Variants in RANBP2 observed in about 807,000 individuals in gnomAD.
RANBP2 encodes the protein E3 SUMO-protein ligase RanBP2.
A neutral mutation model predicts 303.6 loss-of-function variants in RANBP2; 57 were observed. The observed-to-expected ratio is 0.19, with a 90% CI of 0.15 to 0.23. The LOEUF is 0.23. RANBP2 is among the 10% of genes least tolerant of loss of function. RANBP2 has a pLI of 1.00. For synonymous variants in RANBP2, 1,167 were observed against 1,301.5 expected, an observed-to-expected ratio of 0.90 and a Z score of 2.23; for missense variants, 3,138 against 3,780.8, an observed-to-expected ratio of 0.83 and a Z score of 4.46.
chr2:109,562,776 G>A, the RANBP2 span, among the ~76,000 whole-genome samples: 2 of 152,152 alleles, frequency 1.3e-5, no homozygotes, highest in African/African-American at 2.4e-5. Flanking sequence ...AAACACTAGG[G>A]AAGCTAACTC....
At chr2:108,970,961 G>A in the RANBP2 span, among the ~76,000 whole-genome samples, 1 of 152,162 alleles carries the variant, frequency 6.6e-6, no homozygotes, top group Non-Finnish European at 1.5e-5. Context: ...CCTAATTTGT[G>A]GAAGACTTCC....
At chr2:109,686,592 C>T in the RANBP2 span, among the ~76,000 whole-genome samples, 1 of 152,186 alleles carries the variant, frequency 6.6e-6, no homozygotes, top group South Asian at 2.1e-4. Flanking sequence ...GGATTACAGG[C>T]GTAAGCCACA....
At chr2:108,919,263 C>T in the RANBP2 span, among the ~76,000 whole-genome samples, 3 of 152,314 alleles carry the variant, frequency 2.0e-5, no homozygotes, top group Middle Eastern at 3.4e-3. Context: ...AAAAGGCCAG[C>T]CTGCTCTGGA....
Position 108,782,313 on chromosome 2 carries a change from T to C in RANBP2, c.8946T>C (p.Cys2982=), listed in dbSNP as rs751421443. The change falls in exon 27 of 29, where the codon TGT becomes TGC. Residue 2982 remains cysteine (C), a synonymous_variant. Transcript: ENST00000283195. ...GAAGAGACCAGGTTTTTAAAGTGTG[T>C]GCAAACCACGTTATTACTAAAACAA... is the stretch of plus-strand genomic sequence containing the variant. The part of the protein sequence containing the change: ...LMRRDQVFKV[C]ANHVITKTME... The C allele has an allele frequency of 1.2e-6, 2 of 1,614,178 alleles. No homozygotes were observed. The highest frequency in any genetic ancestry group is 1.7e-5 in the Admixed American group (1 of 60,028).
chr2:109,668,733 A>G, the RANBP2 span, among the ~76,000 whole-genome samples: 4 of 152,266 alleles, frequency 2.6e-5, no homozygotes, highest in Non-Finnish European at 5.9e-5. Flanking sequence ...TTGCTTATCA[A>G]CATTACAAAC....
chr2:109,522,720 T>A, the RANBP2 span, among the ~76,000 whole-genome samples: 1 of 152,098 alleles, frequency 6.6e-6, no homozygotes, highest in African/African-American at 2.4e-5. Context: ...GATCAGGCCC[T>A]GGCATCAGCA....
chr2:109,369,695 G>A, the RANBP2 span, among the ~76,000 whole-genome samples: 1 of 152,252 alleles, frequency 6.6e-6, no homozygotes, highest in African/African-American at 2.4e-5. Flanking sequence ...CCAGCACAGA[G>A]CCCAGCCTGC....
chr2:109,638,366 A>G, the RANBP2 span, among the ~76,000 whole-genome samples: 330 of 152,112 alleles, frequency 2.2e-3, 2 homozygotes, highest in South Asian at 0.022. Flanking sequence ...AGGCATAACT[A>G]CTCCCCGAAA....
the RANBP2 span, chr2:108,873,611 C>T: frequency 2.0e-6 from 3 of 1,523,534 alleles, no homozygotes; most frequent in South Asian, 1.2e-5. Flanking sequence ...TTATTTCTAA[C>T]ATTTTTTATT....
chr2:109,406,621 C>T, the RANBP2 span, among the ~76,000 whole-genome samples: 1 of 152,086 alleles, frequency 6.6e-6, no homozygotes, highest in Non-Finnish European at 1.5e-5. Flanking sequence ...CACACACGCC[C>T]ATTTGTATAT....
chr2:109,653,823 C>G, the RANBP2 span, among the ~76,000 whole-genome samples: 7 of 152,158 alleles, frequency 4.6e-5, no homozygotes, highest in Non-Finnish European at 4.4e-5. Flanking sequence ...ATCAAACAAA[C>G]AAACTGCTAG....
At chr2:109,006,689 C>T in the RANBP2 span, among the ~76,000 whole-genome samples, 1 of 152,110 alleles carries the variant, frequency 6.6e-6, no homozygotes, top group Non-Finnish European at 1.5e-5. Context: ...TTTTGGTGGG[C>T]GGCTAAGTGA....
At chr2:109,048,038 G>A in the RANBP2 span, among the ~76,000 whole-genome samples, 4 of 152,160 alleles carry the variant, frequency 2.6e-5, no homozygotes, top group East Asian at 3.8e-4. Flanking sequence ...CTGAGGACAC[G>A]CATCATCCCA....
At chr2:109,615,178 C>T in the RANBP2 span, 78 of 1,548,784 alleles carry the variant, frequency 5.0e-5, no homozygotes, top group Non-Finnish European at 6.5e-5. Flanking sequence ...CCGGGCAGCT[C>T]CTCCGGGGGA....
At chr2:108,815,842 T>G in the RANBP2 span, 4 of 987,832 alleles carry the variant, frequency 4.0e-6, no homozygotes, top group Non-Finnish European at 4.5e-6. Context: ...GTGAATTACT[T>G]TAGTCAAATT....
At chr2:109,105,412 A>G in the RANBP2 span, among the ~76,000 whole-genome samples, 1 of 152,212 alleles carries the variant, frequency 6.6e-6, no homozygotes, top group African/African-American at 2.4e-5. Context: ...TCAGGGGAGA[A>G]GCAATGCAAA....
the RANBP2 span, chr2:109,501,439 G>A: frequency 1.4e-6 from 1 of 691,648 alleles, no homozygotes; most frequent in Non-Finnish European, 2.7e-6. Flanking sequence ...GGGAAGAAGA[G>A]AAAGCACGAC....
chr2:109,505,739 C>G, the RANBP2 span, among the ~76,000 whole-genome samples: 41 of 152,254 alleles, frequency 2.7e-4, no homozygotes, highest in Admixed American at 1.3e-3. Flanking sequence ...CAGTGGACAG[C>G]CATGACTCAA....
chr2:109,505,859 A>G, the RANBP2 span, among the ~76,000 whole-genome samples: 1 of 152,170 alleles, frequency 6.6e-6, no homozygotes, highest in African/African-American at 2.4e-5. Flanking sequence ...GTGTAGGAAG[A>G]GGAGAGCCAG....
Sources: gnomAD v4.1 joint callset for allele counts (sites outside exome capture counted in the v4.1 genomes callset) on GRCh38, gnomAD v4.1.1 for gene constraint, MANE v1.5 for transcripts, NCBI Gene and HGNC (gene_info 2026-07-23, HGNC 2026-07-21) for gene names.